The following TRIM2 variants were observed in gnomAD, a reference collection of about 807,000 sequenced individuals.
TRIM2 encodes tripartite motif-containing protein 2.
In TRIM2, 20 loss-of-function variants were observed where a neutral mutation model predicts 75.2. The observed-to-expected ratio is 0.27, with a 90% confidence interval of 0.19 to 0.39. The LOEUF (loss-of-function observed/expected upper bound fraction) is 0.39, where lower values mean the gene tolerates loss of function less well. Among genes scored for constraint, TRIM2 ranks in the 10% least tolerant of loss-of-function variants. The pLI, the probability that TRIM2 is intolerant of heterozygous loss-of-function variation, is 1.00. For missense variants in TRIM2, 660 were observed against 990.8 expected, an observed-to-expected ratio of 0.67 and a Z score of 4.48; for synonymous variants, 373 against 388.3, an observed-to-expected ratio of 0.96 and a Z score of 0.46.
At position 153,337,703 on chromosome 4, in the gene TRIM2, A is replaced by G. The variant is rs1490489307; in HGVS notation, c.*2737A>G. ...AATGGTTTCTGGTAAACTGAGAAGGATATTAAAATAAGTGGCTTTTTTCTG... is the reference window on the plus strand; with the variant it reads ...AATGGTTTCTGGTAAACTGAGAAGGGTATTAAAATAAGTGGCTTTTTTCTG... On this transcript the variant is annotated 3_prime_UTR_variant, in exon 12 of 12. Coordinates refer to ENST00000338700, the MANE Select transcript of TRIM2 (RefSeq NM_015271.5). 5.1e-5 allele frequency: 50 copies of G among 985,750 alleles called. No individual in the cohort carries two copies. Among genetic ancestry groups the G allele is most frequent in the Non-Finnish European group, 5.7e-5 (47 of 829,944 alleles). The allele number at this position is 985,750 out of a possible 1,614,324, so 61.1% of individuals were successfully genotyped here.
At chr4:153,170,484 G>C (rs912985621) in intron 1 of TRIM2, among the ~76,000 whole-genome samples, 7 of 152,110 alleles carry the variant, frequency 4.6e-5, no homozygotes, top group African/African-American at 1.7e-4. Flanking sequence ...GAGCAGATTA[G>C]TTGCAAAGCA....
At chr4:153,159,629 C>T (rs1052894554) in intron 1 of TRIM2, among the ~76,000 whole-genome samples, 2 of 152,134 alleles carry the variant, frequency 1.3e-5, no homozygotes, top group Non-Finnish European at 2.9e-5. Context: ...CCATTTGAAT[C>T]TCTGCTTAGA....
In TRIM2 at chr4:153,294,351, C is replaced by G. The variant is rs1762383025; in HGVS notation, c.652C>G (p.His218Asp). 6.2e-7 allele frequency: 1 copy of G among 1,614,044 alleles called. No individual in the cohort carries two copies. Among genetic ancestry groups the G allele is most frequent in the Admixed American group, 1.7e-5 (1 of 59,996 alleles). The change falls in exon 5 of 12, where the codon CAT becomes GAT. Residue 218 changes from histidine to aspartate, a missense_variant. By Grantham distance (81) the His-to-Asp change is moderately conservative. This residue lies in a region of TRIM2 where 620 missense variants were observed against 891.0 expected (regional missense o/e 0.70). Transcript: ENST00000338700. ...TCTTCAGTTCATCTCTGAAATCATT[C>G]ATCAGTTAACCAACCAAAAGGCCAG... Reference protein sequence around the residue: ...SALQFISEIIHQLTNQKASIV... With the variant: ...SALQFISEIIDQLTNQKASIV...
intron 1 of TRIM2, among the ~76,000 whole-genome samples, chr4:153,190,190 G>A (rs1733038700): frequency 6.6e-6 from 1 of 151,956 alleles, no homozygotes; most frequent in Non-Finnish European, 1.5e-5. Flanking sequence ...GTGTTTTTCT[G>A]CTAGAAAGGA....
intron 8 of TRIM2, among the ~76,000 whole-genome samples, chr4:153,320,696 G>A (rs1468260162): frequency 6.6e-6 from 1 of 152,056 alleles, no homozygotes; most frequent in African/African-American, 2.4e-5. Context: ...GAGGTGGCGC[G>A]ACCTTGGCTA....
intron 1 of TRIM2, among the ~76,000 whole-genome samples, chr4:153,175,482 C>T (rs1270134250): frequency 6.6e-6 from 1 of 151,572 alleles, no homozygotes; most frequent in Non-Finnish European, 1.5e-5. Flanking sequence ...GATTGGGAAA[C>T]AGCGGGGGGA....
rs1232641439 is a variant in TRIM2, at chr4:153,336,989, A to G, written c.*2023A>G. On this transcript the variant is annotated 3_prime_UTR_variant, in exon 12 of 12. Transcript: ENST00000338700. ...AAACATTCATATTTACTGAGTACCT[A>G]CTAGGTACCAAGTACTCTTTTAGGC... The G allele has an allele frequency of 1.1e-5, 11 of 981,952 alleles. No homozygotes were observed. Among genetic ancestry groups the G allele is most frequent in the Admixed American group, 6.2e-5 (1 of 16,246 alleles). 60.8% of individuals were successfully genotyped at this position (981,952 alleles called of 1,614,324 possible).
intron 6 of TRIM2, among the ~76,000 whole-genome samples, chr4:153,297,284 G>T (rs1762969616): frequency 6.6e-6 from 1 of 152,200 alleles, no homozygotes; most frequent in African/African-American, 2.4e-5. Flanking sequence ...TGCAGGGGTT[G>T]TTGATTCTCC....
chr4:153,167,365 G>A (rs1172478594), intron 1 of TRIM2, among the ~76,000 whole-genome samples: 4 of 152,146 alleles, frequency 2.6e-5, no homozygotes, highest in African/African-American at 7.2e-5. Flanking sequence ...ACAGAATTTG[G>A]CAATAAGAAA....
Position 153,315,820 on chromosome 4 carries a change from T to C in TRIM2, c.1615-12T>C, listed in dbSNP as rs547144972. The C allele has an allele frequency of 1.2e-6, 2 of 1,614,136 alleles. No individual in the cohort carries two copies. Among genetic ancestry groups the C allele is most frequent in the South Asian group, 2.2e-5 (2 of 91,080 alleles). The stretch of plus-strand genomic sequence containing the variant: ...CTAGTTCACATTCCAATGAATGTAA[T>C]TTATCTTACAGATATTTTCCAATGA... On this transcript the variant is annotated splice_polypyrimidine_tract_variant and intron_variant, in intron 7 of 11. Transcript: ENST00000338700.
chr4:153,239,213 G>A (rs1560863004), intron 1 of TRIM2, among the ~76,000 whole-genome samples: 2 of 152,222 alleles, frequency 1.3e-5, no homozygotes, highest in Middle Eastern at 3.4e-3. Flanking sequence ...TTAGCCAGGC[G>A]TCGTGGCGGG....
At chr4:153,322,840 A>T in intron 9 of TRIM2, 24 bp downstream of exon 9, 1 of 1,612,692 alleles carries the variant, frequency 6.2e-7, no homozygotes, top group African/African-American at 1.3e-5. Flanking sequence ...TAATATGTAA[A>T]CCCCCTTTTT....
intron 6 of TRIM2, among the ~76,000 whole-genome samples, chr4:153,304,208 G>T (rs1008863780): frequency 6.6e-6 from 1 of 152,058 alleles, no homozygotes; most frequent in African/African-American, 2.4e-5. Context: ...CCACCTCCTG[G>T]GTTCAAGTGA....
chr4:153,193,363 C>T (rs1385398743), intron 1 of TRIM2, among the ~76,000 whole-genome samples: 1 of 152,046 alleles, frequency 6.6e-6, no homozygotes, highest in Non-Finnish European at 1.5e-5. Flanking sequence ...GATCTCCTGA[C>T]CTCGTGATCC....
intron 1 of TRIM2, among the ~76,000 whole-genome samples, chr4:153,211,756 C>T (rs904200159): frequency 9.9e-5 from 15 of 151,906 alleles, no homozygotes; most frequent in African/African-American, 2.9e-4. Flanking sequence ...TCCCAAAGTG[C>T]GGGATTACAG....
intron 1 of TRIM2, among the ~76,000 whole-genome samples, chr4:153,154,374 G>A (rs1729027741): frequency 1.3e-5 from 2 of 152,220 alleles, no homozygotes; most frequent in Non-Finnish European, 2.9e-5. Flanking sequence ...GGGCTTACCA[G>A]AGCCAGGACC....
At position 153,246,890 on chromosome 4, in the gene TRIM2, G is replaced by A. The variant is rs916990506; in HGVS notation, c.31-23445G>A. Among the ~76,000 whole-genome samples, 4 of 152,310 alleles carry A rather than the reference G, an allele frequency of 2.6e-5. No homozygotes were observed. The East Asian group carries it at 7.7e-4, about 29-fold the overall frequency. ...CTTGCTCTTCCCCTCTGCCTCTGGT[G>A]GCCTTGTGGCTTCCTGGCACTGGTC... is the stretch of plus-strand genomic sequence containing the variant. On this transcript the variant is annotated intron_variant, in intron 1 of 11. Coordinates refer to ENST00000338700, the MANE Select transcript of TRIM2 (RefSeq NM_015271.5).
At chr4:153,263,137 C>A (rs1753997895) in intron 1 of TRIM2, among the ~76,000 whole-genome samples, 1 of 152,120 alleles carries the variant, frequency 6.6e-6, no homozygotes, top group Non-Finnish European at 1.5e-5. Context: ...CCGAAACCAG[C>A]TGTGCAACAT....
chr4:153,213,590 C>A (rs912812389), intron 1 of TRIM2, among the ~76,000 whole-genome samples: 1 of 152,116 alleles, frequency 6.6e-6, no homozygotes, highest in Non-Finnish European at 1.5e-5. Flanking sequence ...TGCAGTGGCA[C>A]GATTTTGGCT....
Sources: gnomAD v4.1 joint callset for allele counts (sites outside exome capture counted in the v4.1 genomes callset) on GRCh38, gnomAD v4.1.1 for gene constraint, gnomAD v4.1.1 regional missense constraint, MANE v1.5 for transcripts, NCBI Gene and HGNC (gene_info 2026-07-23, HGNC 2026-07-21) for gene names.